Variants in HS6ST3 observed in about 807,000 individuals in gnomAD.
HS6ST3 encodes heparan sulfate 6-O-sulfotransferase 3.
HS6ST3 carries 12 observed loss-of-function variants against 36.7 expected under a neutral mutation model. The observed-to-expected ratio is 0.33, with a 90% CI of 0.21 to 0.53. The LOEUF is 0.53. HS6ST3 is among the 20% of genes least tolerant of loss of function. The pLI is 0.95. For synonymous variants in HS6ST3, 240 were observed against 257.5 expected (o/e 0.93, Z 0.65); for missense variants, 584 against 640.9 (o/e 0.91, Z 0.96).
intron 1 of HS6ST3, among the ~76,000 whole-genome samples, chr13:96,147,089 A>G (rs950425771): frequency 1.3e-5 from 2 of 152,200 alleles, no homozygotes; most frequent in Admixed American, 1.3e-4. Context: ...CATTTTCTCA[A>G]ATTTCTGTAC....
chr13:96,410,961 C>T (rs1011660057), intron 1 of HS6ST3, among the ~76,000 whole-genome samples: 1 of 152,072 alleles, frequency 6.6e-6, no homozygotes, highest in African/African-American at 2.4e-5. Context: ...TATGTTAACC[C>T]TGGAGCTCAT....
intron 1 of HS6ST3, among the ~76,000 whole-genome samples, chr13:96,394,385 T>C (rs891870075): frequency 2.0e-5 from 3 of 152,134 alleles, no homozygotes; most frequent in African/African-American, 7.2e-5. Flanking sequence ...AGATAAGGGA[T>C]AAAGTGTCAC....
At chr13:96,214,795 T>G (rs2054416190) in intron 1 of HS6ST3, among the ~76,000 whole-genome samples, 1 of 151,760 alleles carries the variant, frequency 6.6e-6, no homozygotes, top group African/African-American at 2.4e-5. Context: ...ATCAAGCAGT[T>G]TATTATTTAT....
chr13:96,261,998 A>G (rs1255540825), intron 1 of HS6ST3, among the ~76,000 whole-genome samples: 1 of 152,194 alleles, frequency 6.6e-6, no homozygotes, highest in African/African-American at 2.4e-5. Context: ...CCCTAGAATC[A>G]TCTTAGAAAG....
chr13:96,663,746 C>G (rs556141286), intron 1 of HS6ST3, among the ~76,000 whole-genome samples: 1 of 152,090 alleles, frequency 6.6e-6, no homozygotes, highest in Non-Finnish European at 1.5e-5. Context: ...TTCAAACGTC[C>G]ATCAATTTTA....
intron 1 of HS6ST3, among the ~76,000 whole-genome samples, chr13:96,454,922 A>G (rs1013151674): frequency 2.0e-5 from 3 of 150,778 alleles, no homozygotes; most frequent in Non-Finnish European, 4.4e-5. Context: ...AGAAGAGTAT[A>G]CAATATCTTT....
chr13:96,683,926 A>C (rs1207014125), intron 1 of HS6ST3, among the ~76,000 whole-genome samples: 1 of 152,060 alleles, frequency 6.6e-6, no homozygotes, highest in Admixed American at 6.6e-5. Flanking sequence ...TTCTGTGCCA[A>C]ATTACTCTGC....
chr13:96,290,073 C>A (rs1380081158), intron 1 of HS6ST3, among the ~76,000 whole-genome samples: 1 of 152,120 alleles, frequency 6.6e-6, no homozygotes, highest in Non-Finnish European at 1.5e-5. Context: ...GCTAGCCCCC[C>A]TCTGTATCTT....
intron 1 of HS6ST3, among the ~76,000 whole-genome samples, chr13:96,629,318 T>C (rs1411020542): frequency 6.6e-6 from 1 of 152,242 alleles, no homozygotes; most frequent in Non-Finnish European, 1.5e-5. Flanking sequence ...GTATTTGTCA[T>C]ATATGTGCCA....
chr13:96,376,473 A>G (rs2055315469), intron 1 of HS6ST3, among the ~76,000 whole-genome samples: 1 of 152,204 alleles, frequency 6.6e-6, no homozygotes, highest in Non-Finnish European at 1.5e-5. Context: ...TGACACTAGT[A>G]TGTCATATTC....
intron 1 of HS6ST3, among the ~76,000 whole-genome samples, chr13:96,814,818 C>T (rs1157470021): frequency 6.6e-6 from 1 of 152,076 alleles, no homozygotes; most frequent in East Asian, 1.9e-4. Flanking sequence ...CTAAGAACTT[C>T]TACTTTTTTT....
chr13:96,434,681 C>G (rs142448298), intron 1 of HS6ST3, among the ~76,000 whole-genome samples: 1 of 152,062 alleles, frequency 6.6e-6, no homozygotes, highest in South Asian at 2.1e-4. Context: ...CCAAGCTGCC[C>G]ACCCTTCTTC....
intron 1 of HS6ST3, among the ~76,000 whole-genome samples, chr13:96,606,140 G>T (rs377717633): frequency 6.6e-6 from 1 of 152,128 alleles, no homozygotes; most frequent in Non-Finnish European, 1.5e-5. Context: ...AATTAGTTCA[G>T]CCACTGTGGA....
intron 1 of HS6ST3, among the ~76,000 whole-genome samples, chr13:96,792,921 A>G (rs1243767900): frequency 3.3e-5 from 5 of 152,078 alleles, no homozygotes; most frequent in Non-Finnish European, 4.4e-5. Flanking sequence ...ATTCGCAGTC[A>G]TCAATCTTTC....
chr13:96,732,610 CA>C (rs1444963022), intron 1 of HS6ST3, among the ~76,000 whole-genome samples: 1 of 152,012 alleles, frequency 6.6e-6, no homozygotes, highest in Non-Finnish European at 1.5e-5. Flanking sequence ...TCATTTTGCT[CA>C]AGATCAGTTG....
chr13:96,591,729 C>T (rs895588181), intron 1 of HS6ST3, among the ~76,000 whole-genome samples: 3 of 151,994 alleles, frequency 2.0e-5, no homozygotes, highest in African/African-American at 4.8e-5. Context: ...ACTTCCAATA[C>T]CATATGTAAT....
At chr13:96,468,974 G>GA (rs985238970) in intron 1 of HS6ST3, among the ~76,000 whole-genome samples, 1 of 151,878 alleles carries the variant, frequency 6.6e-6, no homozygotes, top group Admixed American at 6.6e-5. Context: ...TTTTTCTAAA[G>GA]AAAAAAATAT....
intron 1 of HS6ST3, among the ~76,000 whole-genome samples, chr13:96,297,482 G>A (rs1397904120): frequency 6.6e-6 from 1 of 152,086 alleles, no homozygotes; most frequent in Non-Finnish European, 1.5e-5. Context: ...TAGCGTGTAG[G>A]TTAAAGTGAA....
chr13:96,738,913 T>G (rs1236223150), intron 1 of HS6ST3, among the ~76,000 whole-genome samples: 1 of 152,148 alleles, frequency 6.6e-6, no homozygotes, highest in African/African-American at 2.4e-5. Flanking sequence ...TTCTCTAGTT[T>G]CTCCTGTGCT....
Sources: gnomAD v4.1 joint callset for allele counts (sites outside exome capture counted in the v4.1 genomes callset) on GRCh38, gnomAD v4.1.1 for gene constraint, MANE v1.5 for transcripts, NCBI Gene and HGNC (gene_info 2026-07-23, HGNC 2026-07-21) for gene names.